Variants in ENTREP2 observed in about 807,000 individuals in gnomAD.
The protein encoded by ENTREP2 is endosomal transmembrane epsin interactor 2.
chr15:29,137,605 C>T, the ENTREP2 span, among the ~76,000 whole-genome samples: 5 of 152,184 alleles, frequency 3.3e-5, no homozygotes, highest in South Asian at 8.3e-4. Flanking sequence ...GAGGCCGAGG[C>T]GGGTGGATCA....
chr15:29,440,061 T>C, the ENTREP2 span, among the ~76,000 whole-genome samples: 2 of 152,168 alleles, frequency 1.3e-5, no homozygotes, highest in East Asian at 1.9e-4. Flanking sequence ...ATCCATATAC[T>C]TCAAAGTGTC....
At chr15:29,408,483 G>A in the ENTREP2 span, among the ~76,000 whole-genome samples, 1 of 152,180 alleles carries the variant, frequency 6.6e-6, no homozygotes, top group Admixed American at 6.5e-5. Context: ...CTCTACAATG[G>A]TGAGACGGTC....
the ENTREP2 span, chr15:29,613,360 G>C: frequency 5.8e-6 from 2 of 345,210 alleles, no homozygotes; most frequent in Admixed American, 3.6e-5. Context: ...AGCTGAGCTG[G>C]TTGATTCATT....
chr15:29,648,945 A>ACAAC, the ENTREP2 span, among the ~76,000 whole-genome samples: 2 of 151,748 alleles, frequency 1.3e-5, no homozygotes, highest in African/African-American at 4.8e-5. Flanking sequence ...TAAAAAAAAA[A>ACAAC]AACAACAACA....
the ENTREP2 span, among the ~76,000 whole-genome samples, chr15:29,385,639 T>A: frequency 6.6e-6 from 1 of 151,832 alleles, no homozygotes; most frequent in East Asian, 1.9e-4. Flanking sequence ...CCAGCAACAC[T>A]CTGGTTGCAG....
the ENTREP2 span, among the ~76,000 whole-genome samples, chr15:29,510,690 C>G: frequency 3.3e-5 from 5 of 151,870 alleles, no homozygotes; most frequent in Non-Finnish European, 7.4e-5. Context: ...ACCTGTAGTC[C>G]CAGCTACTCA....
the ENTREP2 span, among the ~76,000 whole-genome samples, chr15:29,598,361 A>G: frequency 6.6e-6 from 1 of 152,218 alleles, no homozygotes; most frequent in Non-Finnish European, 1.5e-5. Context: ...ACTACAGATT[A>G]AGTATTCTAA....
the ENTREP2 span, among the ~76,000 whole-genome samples, chr15:29,560,925 T>C: frequency 5.0e-5 from 3 of 60,136 alleles, no homozygotes; most frequent in African/African-American, 1.5e-4. Context: ...AAAGTTATAC[T>C]GGAACACAGT....
chr15:29,243,503 T>C, the ENTREP2 span, among the ~76,000 whole-genome samples: 1 of 152,152 alleles, frequency 6.6e-6, no homozygotes, highest in African/African-American at 2.4e-5. Flanking sequence ...TACAGTATTA[T>C]TACTGTTACT....
chr15:29,373,874 A>T, the ENTREP2 span: 4 of 152,066 alleles, frequency 2.6e-5, no homozygotes, highest in African/African-American at 9.7e-5. Flanking sequence ...ATATTAGTGA[A>T]TGGAGCAACA....
the ENTREP2 span, among the ~76,000 whole-genome samples, chr15:29,237,829 T>C: frequency 6.6e-6 from 1 of 152,270 alleles, no homozygotes; most frequent in South Asian, 2.1e-4. Context: ...GCAAAAGCAA[T>C]TGTGGTTTTT....
At chr15:29,490,402 C>G in the ENTREP2 span, among the ~76,000 whole-genome samples, 3 of 152,142 alleles carry the variant, frequency 2.0e-5, no homozygotes, top group African/African-American at 4.8e-5. Context: ...GAAGAGAACC[C>G]AAACAGTTTG....
the ENTREP2 span, among the ~76,000 whole-genome samples, chr15:29,392,013 A>G: frequency 6.6e-6 from 1 of 152,134 alleles, no homozygotes; most frequent in East Asian, 1.9e-4. Context: ...ATTTTTTAGT[A>G]GAGACAGGGT....
chr15:29,485,021 T>C, the ENTREP2 span, among the ~76,000 whole-genome samples: 1 of 152,192 alleles, frequency 6.6e-6, no homozygotes, highest in East Asian at 1.9e-4. Context: ...GCCAAAAGCA[T>C]ACTTTGTTGG....
At chr15:29,353,124 G>A in the ENTREP2 span, among the ~76,000 whole-genome samples, 5 of 151,492 alleles carry the variant, frequency 3.3e-5, no homozygotes, top group Non-Finnish European at 5.9e-5. Flanking sequence ...CTTTTAAAAG[G>A]TAACACACAG....
the ENTREP2 span, among the ~76,000 whole-genome samples, chr15:29,466,046 C>T: frequency 2.0e-5 from 3 of 152,176 alleles, no homozygotes; most frequent in African/African-American, 7.2e-5. Flanking sequence ...GTACCAGGTG[C>T]TGTTCTCTGT....
the ENTREP2 span, among the ~76,000 whole-genome samples, chr15:29,619,202 C>T: frequency 6.6e-6 from 1 of 152,164 alleles, no homozygotes; most frequent in African/African-American, 2.4e-5. Context: ...ACCATCCTGG[C>T]TAACACGGTG....
At chr15:29,173,840 C>G in the ENTREP2 span, among the ~76,000 whole-genome samples, 58 of 151,060 alleles carry the variant, frequency 3.8e-4, no homozygotes, top group African/African-American at 1.4e-3. Flanking sequence ...TGAAGGGTAA[C>G]TAAATTTTAA....
chr15:29,532,227 A>G, the ENTREP2 span, among the ~76,000 whole-genome samples: 1 of 152,324 alleles, frequency 6.6e-6, no homozygotes, highest in South Asian at 2.1e-4. Flanking sequence ...AAAATATTTT[A>G]TTCAGAAAAC....
Sources: gnomAD v4.1 joint callset for allele counts (sites outside exome capture counted in the v4.1 genomes callset) on GRCh38, gnomAD v4.1.1 for gene constraint, MANE v1.5 for transcripts, NCBI Gene and HGNC (gene_info 2026-07-23, HGNC 2026-07-21) for gene names.